The following IMPG1 variants were observed in gnomAD, a reference collection of about 807,000 sequenced individuals.
The protein encoded by IMPG1 is interphotoreceptor matrix proteoglycan of 150 kDa.
A neutral mutation model predicts 92.0 loss-of-function variants in IMPG1; 85 were observed. That is an observed-to-expected ratio of 0.92 (90% CI 0.78 to 1.11). IMPG1 has a LOEUF of 1.11. Ranked by LOEUF, IMPG1 falls within the 50% of genes least tolerant of loss-of-function variation. The pLI, the probability that IMPG1 is intolerant of heterozygous loss-of-function variation, is 0.00. For synonymous variants in IMPG1, 367 were observed against 334.1 expected (o/e 1.10, Z -1.08); for missense variants, 1,022 against 956.0 (o/e 1.07, Z -0.91).
At chr6:75,997,008 C>G (rs892231479) in intron 12 of IMPG1, among the ~76,000 whole-genome samples, 1 of 152,136 alleles carries the variant, frequency 6.6e-6, no homozygotes, top group Non-Finnish European at 1.5e-5. Flanking sequence ...TACTGAATTT[C>G]CCAAACTGAA....
At chr6:76,008,763 G>A (rs1436434180) in intron 8 of IMPG1, among the ~76,000 whole-genome samples, 1 of 152,086 alleles carries the variant, frequency 6.6e-6, no homozygotes, top group African/African-American at 2.4e-5. Context: ...TATGGTATAC[G>A]ATCCAAGAAT....
At position 76,018,779 on chromosome 6, in the gene IMPG1, G is replaced by C; in HGVS notation, c.746C>G (p.Ala249Gly). Residue 249 changes from alanine to glycine, a missense_variant, in exon 7 of 17, where the codon GCA becomes GGA. Ala to Gly is a moderately conservative substitution (Grantham distance 60). Coordinates refer to ENST00000369950, the MANE Select transcript of IMPG1 (RefSeq NM_001563.4). ...TGGGGACTGGGAGTCAGCGAGCTCT[G>C]CCTTGAACTTCTGGTTTACCAGAGA... ...SVSLVNQKFK[A>G]ELADSQSPYY... The C allele has an allele frequency of 9.9e-6, 16 of 1,613,106 alleles. No individual in the cohort carries two copies. The highest frequency in any genetic ancestry group is 1.4e-5 in the Non-Finnish European group (16 of 1,179,678).
intron 14 of IMPG1, among the ~76,000 whole-genome samples, chr6:75,937,233 C>T (rs1781761741): frequency 6.6e-6 from 1 of 151,832 alleles, no homozygotes; most frequent in African/African-American, 2.4e-5. Context: ...GACTCTTGGG[C>T]ACTCAGGACT....
intron 4 of IMPG1, among the ~76,000 whole-genome samples, chr6:76,029,577 C>A (rs1229336577): frequency 6.6e-6 from 1 of 152,156 alleles, no homozygotes; most frequent in African/African-American, 2.4e-5. Flanking sequence ...TTCCTGTGAA[C>A]CAACCAGCAA....
intron 12 of IMPG1, among the ~76,000 whole-genome samples, chr6:75,998,759 C>T (rs1387039595): frequency 6.6e-6 from 1 of 152,162 alleles, no homozygotes; most frequent in Admixed American, 6.5e-5. Context: ...AAAATTTTTA[C>T]CCTGTGAATT....
intron 12 of IMPG1, among the ~76,000 whole-genome samples, chr6:75,974,981 A>C (rs1238022511): frequency 6.6e-6 from 1 of 152,244 alleles, no homozygotes; most frequent in African/African-American, 2.4e-5. Flanking sequence ...CTTTTAGAAG[A>C]AGAATGATTT....
intron 1 of IMPG1, among the ~76,000 whole-genome samples, chr6:76,050,588 C>T (rs1326170): frequency 0.32 from 48,343 of 152,044 alleles, 7,873 homozygotes; most frequent in East Asian, 0.48. Context: ...AGACATAGGC[C>T]ACATCATCTC....
chr6:76,025,709 C>T (rs1783515116), intron 4 of IMPG1, among the ~76,000 whole-genome samples: 1 of 152,082 alleles, frequency 6.6e-6, no homozygotes, highest in East Asian at 1.9e-4. Flanking sequence ...CTTGTGGTTA[C>T]AGTAATGGGA....
intron 12 of IMPG1, among the ~76,000 whole-genome samples, chr6:75,968,706 A>AT (rs529261380): frequency 6.5e-4 from 99 of 151,918 alleles, no homozygotes; most frequent in African/African-American, 2.3e-3. Context: ...TTATTTTTAG[A>AT]TTTTTTGTAA....
chr6:75,992,938 T>C (rs898287217), intron 12 of IMPG1, among the ~76,000 whole-genome samples: 19 of 152,242 alleles, frequency 1.2e-4, no homozygotes, highest in Admixed American at 1.1e-3. Context: ...AAAATAATTA[T>C]GTACCTCTGT....
At chr6:76,010,652 G>C (rs992282935) in intron 8 of IMPG1, among the ~76,000 whole-genome samples, 2 of 152,072 alleles carry the variant, frequency 1.3e-5, no homozygotes, top group African/African-American at 4.8e-5. Flanking sequence ...AGAATGTCTT[G>C]CTTATGCTCC....
intron 7 of IMPG1, 98 bp from the exon 8 acceptor site, chr6:76,011,322 C>G (rs1032335298): frequency 2.2e-5 from 12 of 545,606 alleles, no homozygotes; most frequent in Non-Finnish European, 3.7e-5. Flanking sequence ...GTTAGGGGAA[C>G]AGCTGAAAAT....
At chr6:75,951,836 G>C (rs1782036766) in intron 12 of IMPG1, among the ~76,000 whole-genome samples, 1 of 152,182 alleles carries the variant, frequency 6.6e-6, no homozygotes, top group Non-Finnish European at 1.5e-5. Flanking sequence ...CAGCTACTCA[G>C]GTGGCTGAGG....
chr6:75,984,944 C>A (rs1040787387), intron 12 of IMPG1, among the ~76,000 whole-genome samples: 4 of 152,158 alleles, frequency 2.6e-5, no homozygotes, highest in Non-Finnish European at 5.9e-5. Context: ...AGAAGCCAAG[C>A]CAATGTTGGT....
In IMPG1 at chr6:76,034,330, C is replaced by A; in HGVS notation, c.482G>T (p.Arg161Ile). The A allele has an allele frequency of 6.2e-7, 1 of 1,613,406 alleles. No individual in the cohort carries two copies. Among genetic ancestry groups the A allele is most frequent in the Non-Finnish European group, 8.5e-7 (1 of 1,179,416 alleles). The part of the protein sequence containing the change: ...LDLLQQRIKQ[R>I]SFPDRKDEIS... ...GGGTACTTGCCTGTCAGGGAAACTTCTCTGTTTTATTCTCTGCAAAAAGAT... is the reference window on the plus strand; with the variant it reads ...GGGTACTTGCCTGTCAGGGAAACTTATCTGTTTTATTCTCTGCAAAAAGAT... The change falls in exon 4 of 17, where the codon AGA becomes ATA. Residue 161 changes from arginine (R) to isoleucine (I), a missense_variant. Coordinates refer to ENST00000369950, the MANE Select transcript of IMPG1 (RefSeq NM_001563.4).
At chr6:76,034,824 G>A (rs766924873) in intron 2 of IMPG1, 37 bp from the exon 3 acceptor site, 2 of 1,579,564 alleles carry the variant, frequency 1.3e-6, no homozygotes, top group Admixed American at 3.4e-5. Context: ...TGCCCTAAGA[G>A]GGTCCCCGTA....
chr6:76,056,771 A>G (rs1179531737), intron 1 of IMPG1, among the ~76,000 whole-genome samples: 2 of 152,128 alleles, frequency 1.3e-5, no homozygotes, highest in East Asian at 3.9e-4. Flanking sequence ...CATTCCCGTG[A>G]TGATTAGAGC....
chr6:75,992,481 A>T (rs1782828021), intron 12 of IMPG1, among the ~76,000 whole-genome samples: 1 of 152,204 alleles, frequency 6.6e-6, no homozygotes, highest in South Asian at 2.1e-4. Flanking sequence ...TATCCAAAGT[A>T]GTCCCTGGTT....
intron 12 of IMPG1, among the ~76,000 whole-genome samples, chr6:75,972,342 C>A (rs1782436471): frequency 6.6e-6 from 1 of 152,158 alleles, no homozygotes; most frequent in Non-Finnish European, 1.5e-5. Context: ...CAATGTTGAA[C>A]TTTACCTGAG....
Sources: gnomAD v4.1 joint callset for allele counts (sites outside exome capture counted in the v4.1 genomes callset) on GRCh38, gnomAD v4.1.1 for gene constraint, MANE v1.5 for transcripts, NCBI Gene and HGNC (gene_info 2026-07-23, HGNC 2026-07-21) for gene names.